Variants in ITFG1 observed in about 807,000 individuals in gnomAD.
The protein encoded by ITFG1 is integrin alpha FG-GAP repeat containing 1.
In ITFG1, 34 loss-of-function variants were observed where a neutral mutation model predicts 81.8. The ratio of observed to expected loss-of-function variants is 0.42; its 90% CI spans 0.32 to 0.55. The LOEUF is 0.55. Ranked by LOEUF, ITFG1 falls within the 20% of genes least tolerant of loss-of-function variation. ITFG1 has a pLI of 0.17. For missense variants in ITFG1, 672 were observed against 755.4 expected (o/e 0.89, Z 1.29); for synonymous variants, 285 against 270.6 (o/e 1.05, Z -0.52).
chr16:47,172,256 G>A (rs974284133), intron 14 of ITFG1, among the ~76,000 whole-genome samples: 7 of 152,264 alleles, frequency 4.6e-5, no homozygotes, highest in East Asian at 1.9e-4. Flanking sequence ...AGGCTGAGGC[G>A]GGTGGATCAC....
At chr16:47,160,548 C>G (rs1459911094) in intron 16 of ITFG1, among the ~76,000 whole-genome samples, 1 of 151,954 alleles carries the variant, frequency 6.6e-6, no homozygotes, top group Non-Finnish European at 1.5e-5. Flanking sequence ...TAAATTTCAT[C>G]TATAGAAAAC....
chr16:47,401,624 G>A (rs1968662777), intron 6 of ITFG1, among the ~76,000 whole-genome samples: 2 of 152,298 alleles, frequency 1.3e-5, no homozygotes, highest in East Asian at 1.9e-4. Context: ...CCATGGGACT[G>A]GGTGTCTGAA....
At chr16:47,240,845 G>C (rs1290910736) in intron 12 of ITFG1, among the ~76,000 whole-genome samples, 5 of 152,124 alleles carry the variant, frequency 3.3e-5, no homozygotes, top group Non-Finnish European at 7.4e-5. Flanking sequence ...CAAATTCACA[G>C]AGACAAAGTA....
At chr16:47,250,324 TTAAG>T (rs1966056793) in intron 12 of ITFG1, among the ~76,000 whole-genome samples, 2 of 151,676 alleles carry the variant, frequency 1.3e-5, no homozygotes, top group Admixed American at 6.6e-5. Context: ...TGTGTACATA[TTAAG>T]TATCAAATAT....
intron 8 of ITFG1, among the ~76,000 whole-genome samples, chr16:47,362,629 G>A (rs1968123793): frequency 6.6e-6 from 1 of 152,054 alleles, no homozygotes; most frequent in Non-Finnish European, 1.5e-5. Flanking sequence ...CCATTTTTAT[G>A]TCTCCACATA....
intron 6 of ITFG1, among the ~76,000 whole-genome samples, chr16:47,413,179 G>A (rs193237904): frequency 4.5e-4 from 69 of 152,296 alleles, no homozygotes; most frequent in South Asian, 8.3e-4. Flanking sequence ...AGAAACCTAC[G>A]AGCAAGAAGA....
chr16:47,212,694 C>A (rs1319719774), intron 14 of ITFG1, among the ~76,000 whole-genome samples: 1 of 151,996 alleles, frequency 6.6e-6, no homozygotes, highest in Non-Finnish European at 1.5e-5. Context: ...GAAGTTTGTC[C>A]ATTTCTTCTA....
chr16:47,206,901 C>T (rs1210705231), intron 14 of ITFG1, among the ~76,000 whole-genome samples: 1 of 152,216 alleles, frequency 6.6e-6, no homozygotes, highest in Non-Finnish European at 1.5e-5. Context: ...GTTTTCTACC[C>T]AAGAGAGGCC....
intron 14 of ITFG1, among the ~76,000 whole-genome samples, chr16:47,168,092 A>C (rs547142990): frequency 6.6e-6 from 1 of 152,194 alleles, no homozygotes; most frequent in East Asian, 1.9e-4. Context: ...CTGACATGTC[A>C]TTTTCAGTCT....
chr16:47,399,173 G>A (rs1567486491), intron 6 of ITFG1, among the ~76,000 whole-genome samples: 1 of 152,142 alleles, frequency 6.6e-6, no homozygotes, highest in South Asian at 2.1e-4. Context: ...GCAAATGGAG[G>A]GATTCTACTA....
intron 5 of ITFG1, among the ~76,000 whole-genome samples, chr16:47,447,042 T>A (rs1969333325): frequency 6.6e-6 from 1 of 152,024 alleles, no homozygotes; most frequent in Non-Finnish European, 1.5e-5. Context: ...TTTCTTTTTC[T>A]TTGTATGTAG....
chr16:47,358,196 A>T (rs1968065210), intron 8 of ITFG1, among the ~76,000 whole-genome samples: 1 of 152,242 alleles, frequency 6.6e-6, no homozygotes, highest in Admixed American at 6.5e-5. Flanking sequence ...TGTTTTACCA[A>T]AAATTTCTAA....
chr16:47,280,829 C>T (rs567738899), intron 10 of ITFG1, among the ~76,000 whole-genome samples: 1 of 152,122 alleles, frequency 6.6e-6, no homozygotes, highest in South Asian at 2.1e-4. Context: ...ATCATGCCTA[C>T]GTAATGAAGC....
chr16:47,351,937 C>A (rs1484442634), intron 8 of ITFG1, among the ~76,000 whole-genome samples: 3 of 150,502 alleles, frequency 2.0e-5, no homozygotes, highest in African/African-American at 7.5e-5. Flanking sequence ...ATTTGATAAA[C>A]CTGACAAAAA....
chr16:47,174,085 C>G (rs1222175565), intron 14 of ITFG1, among the ~76,000 whole-genome samples: 1 of 152,066 alleles, frequency 6.6e-6, no homozygotes, highest in African/African-American at 2.4e-5. Flanking sequence ...AAAAAGTTTT[C>G]AAGGTTGCTT....
At chr16:47,334,591 C>G (rs1211496770) in intron 8 of ITFG1, among the ~76,000 whole-genome samples, 1 of 152,090 alleles carries the variant, frequency 6.6e-6, no homozygotes, top group Non-Finnish European at 1.5e-5. Context: ...TGCGTCAAGG[C>G]AAATTACACA....
At chr16:47,204,649 C>A (rs1965470302) in intron 14 of ITFG1, among the ~76,000 whole-genome samples, 1 of 152,152 alleles carries the variant, frequency 6.6e-6, no homozygotes, top group South Asian at 2.1e-4. Flanking sequence ...GTTTAATGAA[C>A]CACTGACAGG....
At chr16:47,370,026 C>T (rs943193366) in intron 7 of ITFG1, among the ~76,000 whole-genome samples, 17 of 151,694 alleles carry the variant, frequency 1.1e-4, no homozygotes, top group African/African-American at 3.4e-4. Flanking sequence ...GTTTTTAGTA[C>T]GGACGGGGTT....
intron 14 of ITFG1, among the ~76,000 whole-genome samples, chr16:47,217,767 T>C (rs757024262): frequency 5.9e-5 from 9 of 151,978 alleles, no homozygotes; most frequent in Non-Finnish European, 1.3e-4. Context: ...CTACTAAAAA[T>C]ATAAAAAATT....
Sources: gnomAD v4.1 joint callset for allele counts (sites outside exome capture counted in the v4.1 genomes callset) on GRCh38, gnomAD v4.1.1 for gene constraint, MANE v1.5 for transcripts, NCBI Gene and HGNC (gene_info 2026-07-23, HGNC 2026-07-21) for gene names.